Variants in MAP6 observed in about 807,000 individuals in gnomAD.
MAP6 encodes the protein microtubule-associated protein 6.
MAP6 carries 26 observed loss-of-function variants against 42.4 expected under a neutral mutation model. The observed-to-expected ratio is 0.61, with a 90% confidence interval of 0.45 to 0.85. MAP6 has a LOEUF of 0.85. Among genes scored for constraint, MAP6 ranks in the 40% least tolerant of loss-of-function variants. The pLI is 0.00. For synonymous variants in MAP6, 418 were observed against 443.8 expected, an observed-to-expected ratio of 0.94 and a Z score of 0.73; for missense variants, 966 against 1,099.0, an observed-to-expected ratio of 0.88 and a Z score of 1.71.
At position 75,659,578 on chromosome 11, in the gene MAP6, C is replaced by T. The variant is rs547922169; in HGVS notation, c.905+7887G>A. ...AAGGTTTCTAGCCTTCTGCCAGGCA[C>T]ATGCTAGGCACTAAATTAGCTACTA... is the stretch of plus-strand genomic sequence containing the variant. On this transcript the variant is annotated intron_variant, in intron 1 of 3. Coordinates refer to ENST00000304771, the MANE Select transcript of MAP6 (RefSeq NM_033063.2). Among the ~76,000 whole-genome samples, 7 of 152,360 alleles carry T rather than the reference C, an allele frequency of 4.6e-5. No individual in the cohort carries two copies. The South Asian group carries it at 6.2e-4, about 14-fold the overall frequency.
At chr11:75,631,271 A>G (rs868528997) in intron 1 of MAP6, among the ~76,000 whole-genome samples, 1 of 152,208 alleles carries the variant, frequency 6.6e-6, no homozygotes, top group South Asian at 2.1e-4. Flanking sequence ...ATGGACTATG[A>G]GAAAGGGCTT....
At chr11:75,588,834 C>G (rs921316375) in intron 3 of MAP6, among the ~76,000 whole-genome samples, 27 of 152,272 alleles carry the variant, frequency 1.8e-4, no homozygotes, top group African/African-American at 5.5e-4. Flanking sequence ...AAAAAGCAGG[C>G]CAGCTATTAG....
chr11:75,588,286 C>A, intron 3 of MAP6, 102 bp from the exon 4 acceptor site: 3 of 992,622 alleles, frequency 3.0e-6, no homozygotes, highest in Non-Finnish European at 4.3e-6. Context: ...GAGCCTGGGC[C>A]GGGCAGCTCT....
chr11:75,628,076 C>G (rs1223972204), intron 1 of MAP6, among the ~76,000 whole-genome samples: 1 of 152,210 alleles, frequency 6.6e-6, no homozygotes, highest in Non-Finnish European at 1.5e-5. Flanking sequence ...ATCTGAGAGA[C>G]AAGGCCCAGG....
At chr11:75,643,627 A>G (rs185216942) in intron 1 of MAP6, among the ~76,000 whole-genome samples, 5 of 152,326 alleles carry the variant, frequency 3.3e-5, no homozygotes, top group African/African-American at 1.2e-4. Context: ...CAGAAATGGA[A>G]CTCAGAAAAG....
chr11:75,650,269 A>G (rs767430085), intron 1 of MAP6, among the ~76,000 whole-genome samples: 11 of 152,194 alleles, frequency 7.2e-5, no homozygotes, highest in Non-Finnish European at 1.2e-4. Flanking sequence ...GTCACATAGG[A>G]GGCAAAGCTG....
intron 1 of MAP6, among the ~76,000 whole-genome samples, chr11:75,651,125 T>C (rs1038809197): frequency 1.3e-5 from 2 of 152,282 alleles, no homozygotes; most frequent in East Asian, 1.9e-4. Flanking sequence ...TCTGGGGATA[T>C]GACTTCATAG....
intron 1 of MAP6, among the ~76,000 whole-genome samples, chr11:75,618,470 G>A (rs1444181085): frequency 6.6e-6 from 1 of 152,088 alleles, no homozygotes; most frequent in Non-Finnish European, 1.5e-5. Flanking sequence ...AGCCAGGCAT[G>A]GTGGTGGGCG....
chr11:75,664,100 C>T (rs1282613815), intron 1 of MAP6, among the ~76,000 whole-genome samples: 1 of 152,174 alleles, frequency 6.6e-6, no homozygotes, highest in Non-Finnish European at 1.5e-5. Flanking sequence ...TTGAGAACGT[C>T]AGGTCTAAAG....
chr11:75,596,330 A>G (rs768722578), intron 3 of MAP6: 1 of 152,258 alleles, frequency 6.6e-6, no homozygotes, highest in Non-Finnish European at 1.5e-5. Context: ...TGGAATATAC[A>G]GATATAGAGA....
At position 75,668,170 on chromosome 11, in the gene MAP6, A is replaced by G; in HGVS notation, c.200T>C (p.Ile67Thr). Residue 67 changes from isoleucine to threonine, a missense_variant, in exon 1 of 4, where the codon ATA (isoleucine) becomes ACA (threonine). Ile to Thr is a moderately conservative substitution (Grantham distance 89). Transcript: ENST00000304771. ...LAPPSARAVAIETQPAQGELD... is the reference protein window; with the variant it reads ...LAPPSARAVATETQPAQGELD... Reference sequence around the variant, plus strand: ...CTCGCCCTGGGCTGGCTGCGTCTCTATGGCAACCGCGCGCGCCGAGGGGGG... The same window carrying G: ...CTCGCCCTGGGCTGGCTGCGTCTCTGTGGCAACCGCGCGCGCCGAGGGGGG... 1 of 1,227,048 alleles carries G rather than the reference A, an allele frequency of 8.1e-7. No individual in the cohort carries two copies. Among genetic ancestry groups the G allele is most frequent in the Non-Finnish European group, 1.0e-6 (1 of 991,242 alleles). 76.0% of individuals were successfully genotyped at this position (1,227,048 alleles called of 1,614,324 possible).
chr11:75,604,797 CACAG>C, intron 3 of MAP6: 1 of 985,476 alleles, frequency 1.0e-6, no homozygotes. Flanking sequence ...GCAGCTAAGT[CACAG>C]ACATTCTCCC....
intron 2 of MAP6, chr11:75,607,727 G>A: frequency 1.0e-6 from 1 of 958,424 alleles, no homozygotes; most frequent in Non-Finnish European, 1.2e-6. Context: ...AGGGGAGCCG[G>A]GCATGGGGGC....
At chr11:75,616,579 G>C (rs1942997799) in intron 1 of MAP6, among the ~76,000 whole-genome samples, 1 of 152,202 alleles carries the variant, frequency 6.6e-6, no homozygotes, top group African/African-American at 2.4e-5. Context: ...GTGGTTAATG[G>C]AAGTAGGATC....
intron 1 of MAP6, among the ~76,000 whole-genome samples, chr11:75,621,096 A>C (rs1255700516): frequency 6.6e-6 from 1 of 151,690 alleles, no homozygotes; most frequent in Admixed American, 6.6e-5. Context: ...GTGCCACTGC[A>C]CTCCAGCCTG....
chr11:75,621,045 G>A (rs1020934768), intron 1 of MAP6, among the ~76,000 whole-genome samples: 3 of 151,922 alleles, frequency 2.0e-5, no homozygotes, highest in Non-Finnish European at 4.4e-5. Context: ...GCAGGAGAAT[G>A]GCGTGAACCC....
chr11:75,587,770 G>C lies in MAP6; in HGVS notation c.1731C>G (p.Val577=). ...PEPVKNQAPM[V]PAPVKDEGPM... ...GACCTTCATCCTTGACAGGTGCTGG[G>C]ACCATAGGAGCTTGATTCTTCACAG... Residue 577 remains valine, a synonymous_variant, in exon 4 of 4, where the codon GTC becomes GTG. Transcript: ENST00000304771. 6.2e-7 allele frequency: 1 copy of C among 1,613,528 alleles called. No individual in the cohort carries two copies. Among genetic ancestry groups the C allele is most frequent in the African/African-American group, 1.3e-5 (1 of 75,036 alleles).
intron 1 of MAP6, among the ~76,000 whole-genome samples, chr11:75,662,692 T>C (rs1310590497): frequency 6.6e-6 from 1 of 152,234 alleles, no homozygotes; most frequent in Non-Finnish European, 1.5e-5. Context: ...CTTATAAAAG[T>C]AGATCATAAC....
Position 75,587,141 on chromosome 11 carries a change from G to A in MAP6, c.2360C>T (p.Pro787Leu). Residue 787 changes from proline (P) to leucine (L), a missense_variant, in exon 4 of 4, where the codon CCT becomes CTT. Around this residue, in one of 2 missense-constraint regions of MAP6, gnomAD observed 943 missense variants for 1,049.9 expected, o/e 0.90. Transcript: ENST00000304771. ...EPLKTQGPRD[P>L]QLPTVSPLPR... ...TAGAGGTGAGACAGTAGGTAGCTGA[G>A]GGTCCCTGGGACCTTGAGTCTTCAG... The A allele has an allele frequency of 6.2e-7, 1 of 1,613,856 alleles. No individual in the cohort carries two copies. Among genetic ancestry groups the A allele is most frequent in the Non-Finnish European group, 8.5e-7 (1 of 1,179,788 alleles).
Sources: gnomAD v4.1 joint callset for allele counts (sites outside exome capture counted in the v4.1 genomes callset) on GRCh38, gnomAD v4.1.1 for gene constraint, gnomAD v4.1.1 regional missense constraint, MANE v1.5 for transcripts, NCBI Gene and HGNC (gene_info 2026-07-23, HGNC 2026-07-21) for gene names.